ZNF536: variants seen among roughly 807,000 people sequenced by gnomAD.
ZNF536 encodes the protein zinc finger protein 536.
Under a neutral mutation model 84.5 loss-of-function variants are expected in ZNF536, and 13 were observed. That is an observed-to-expected ratio of 0.15 (90% CI 0.10 to 0.24). ZNF536 has a LOEUF of 0.24. Ranked by LOEUF, ZNF536 falls within the 10% of genes least tolerant of loss-of-function variation. The pLI, the probability that ZNF536 is intolerant of heterozygous loss-of-function variation, is 1.00. For synonymous variants in ZNF536, 811 were observed against 742.5 expected, an observed-to-expected ratio of 1.09 and a Z score of -1.50; for missense variants, 1,536 against 1,747.5, an observed-to-expected ratio of 0.88 and a Z score of 2.16.
At chr19:30,454,907 C>T (rs1248565546) in intron 2 of ZNF536, among the ~76,000 whole-genome samples, 2 of 152,292 alleles carry the variant, frequency 1.3e-5, no homozygotes, top group East Asian at 3.9e-4. Flanking sequence ...GTTGTGGGCG[C>T]CTGTAATCCC....
chr19:30,323,868 A>G (rs1326893784), intron 2 of ZNF536, among the ~76,000 whole-genome samples: 2 of 151,994 alleles, frequency 1.3e-5, no homozygotes, highest in Non-Finnish European at 1.5e-5. Context: ...CCTCTGCTCA[A>G]CCACTCCTGT....
intron 2 of ZNF536, among the ~76,000 whole-genome samples, chr19:30,493,606 C>T (rs368437736): frequency 4.6e-5 from 7 of 152,154 alleles, no homozygotes; most frequent in Admixed American, 1.3e-4. Flanking sequence ...CCCCATCACT[C>T]GGGGCATTTG....
rs2148159922 is a variant in ZNF536 at position 30,443,908 on chromosome 19, C to G, written c.346C>G (p.Gln116Glu). 1 of 1,613,674 alleles carries G rather than the reference C, an allele frequency of 6.2e-7. No homozygotes were observed. The highest frequency in any genetic ancestry group is 8.5e-7 in the Non-Finnish European group (1 of 1,180,020). ...LNGQNLGIMS[Q>E]MSDIEDDARK... ...CGGGCAGAACCTGGGCATCATGTCC[C>G]AGATGAGCGACATCGAGGACGACGC... The change falls in exon 2 of 5, where the codon CAG becomes GAG. Residue 116 changes from glutamine to glutamate, a missense_variant. This residue lies in a region of ZNF536 where 161 missense variants were observed against 178.5 expected (regional missense o/e 0.90). Transcript: ENST00000355537.
At chr19:30,686,175 A>G (rs1568670728) in intron 1 of ZNF536, among the ~76,000 whole-genome samples, 1 of 152,190 alleles carries the variant, frequency 6.6e-6, no homozygotes, top group East Asian at 1.9e-4. Context: ...AGTTCTGTGA[A>G]GATCATTTTG....
At chr19:30,456,176 T>C (rs998211693) in intron 2 of ZNF536, among the ~76,000 whole-genome samples, 3 of 152,230 alleles carry the variant, frequency 2.0e-5, no homozygotes, top group Admixed American at 6.5e-5. Flanking sequence ...TATACTTTTT[T>C]TTCCCCAAGC....
intron 1 of ZNF536, among the ~76,000 whole-genome samples, chr19:30,667,263 AG>A (rs2050360552): frequency 6.6e-6 from 1 of 152,188 alleles, no homozygotes; most frequent in Admixed American, 6.5e-5. Context: ...AGCTTACAGA[AG>A]GGGAAACTGA....
At chr19:30,572,667 G>A (rs901783625) in intron 1 of ZNF536, among the ~76,000 whole-genome samples, 28 of 152,226 alleles carry the variant, frequency 1.8e-4, no homozygotes, top group Admixed American at 6.5e-5. Flanking sequence ...TCTCTCGTGG[G>A]GCTTACCTTC....
intron 1 of ZNF536, among the ~76,000 whole-genome samples, chr19:30,396,589 T>C (rs1233673542): frequency 1.1e-5 from 1 of 91,688 alleles, no homozygotes. Flanking sequence ...GAGAGGGCTC[T>C]CTCTTTTTTT....
intron 2 of ZNF536, among the ~76,000 whole-genome samples, chr19:30,318,296 A>G (rs2046746455): frequency 6.6e-6 from 1 of 152,224 alleles, no homozygotes; most frequent in African/African-American, 2.4e-5. Context: ...ATGGGGTGAT[A>G]TCAAACCTCA....
chr19:30,455,035 AAAACAAACAAACAAACAAAC>A (rs56166320), intron 2 of ZNF536, among the ~76,000 whole-genome samples: 1 of 149,714 alleles, frequency 6.7e-6, no homozygotes, highest in South Asian at 2.1e-4. Flanking sequence ...CTCCATCTCA[AAAACAAACAAACAAACAAAC>A]AAACAAACAA....
intron 2 of ZNF536, among the ~76,000 whole-genome samples, chr19:30,458,313 T>C (rs986921188): frequency 1.1e-4 from 17 of 152,108 alleles, no homozygotes; most frequent in African/African-American, 4.1e-4. Flanking sequence ...CTTTCAATGT[T>C]TCCCCCACCT....
intron 2 of ZNF536, among the ~76,000 whole-genome samples, chr19:30,286,116 G>A (rs2045616787): frequency 6.6e-6 from 1 of 150,658 alleles, no homozygotes; most frequent in Admixed American, 6.6e-5. Flanking sequence ...CCGAGCGAGG[G>A]CCTGAATCTT....
chr19:30,315,616 C>T (rs538167234), intron 2 of ZNF536, among the ~76,000 whole-genome samples: 1 of 152,134 alleles, frequency 6.6e-6, no homozygotes, highest in African/African-American at 2.4e-5. Context: ...CACTGAATTA[C>T]GAAAGTTCTG....
rs34762536 is a variant in ZNF536 at position 30,270,750 on chromosome 19, G to GTT, written c.-189-13305_-189-13304dup. Among the ~76,000 whole-genome samples, 8 of 141,666 alleles carry GTT rather than the reference G, an allele frequency of 5.6e-5. No individual in the cohort carries two copies. In the South Asian group the frequency reaches 6.8e-4, roughly 12 times the overall value. The allele number at this position is 141,666 out of a possible 152,430, so 92.9% of individuals were successfully genotyped here. ...TACATGGTAGCTGGGAAAAATGCAGGTTTTTTTTTTTTTTTTTTAAAGAAC... is the reference window on the plus strand; with the variant it reads ...TACATGGTAGCTGGGAAAAATGCAGGTTTTTTTTTTTTTTTTTTTTAAAGAAC... On this transcript the variant is annotated intron_variant, in intron 1 of 5. Coordinates refer to the ZNF536 transcript ENST00000585628.
intron 1 of ZNF536, among the ~76,000 whole-genome samples, chr19:30,375,611 G>C (rs1169907001): frequency 6.6e-6 from 1 of 152,240 alleles, no homozygotes; most frequent in East Asian, 1.9e-4. Flanking sequence ...GCCTGTGTGG[G>C]GGTAGGGGCA....
At chr19:30,272,574 C>A (rs966214711) in intron 1 of ZNF536, among the ~76,000 whole-genome samples, 1 of 152,204 alleles carries the variant, frequency 6.6e-6, no homozygotes, top group African/African-American at 2.4e-5. Flanking sequence ...GAGCTCCACT[C>A]CCTCTTCCCC....
chr19:30,358,623 ATTTC>A (rs937122791), intron 3 of ZNF536, among the ~76,000 whole-genome samples: 14 of 152,158 alleles, frequency 9.2e-5, no homozygotes, highest in African/African-American at 3.4e-4. Context: ...ACAAATCCAC[ATTTC>A]TTTCTGAATT....
rs745368069 is a variant in ZNF536 at position 30,432,427 on chromosome 19, C to T, written c.-2-11134C>T. ...TGAGGAAGCAGGATCACTTCCAGCC[C>T]GGGTCAAATCCAGGAAGGTTTCCTG... is the stretch of plus-strand genomic sequence containing the variant. On this transcript the variant is annotated intron_variant, in intron 1 of 4. Coordinates refer to ENST00000355537, the MANE Select transcript of ZNF536 (RefSeq NM_014717.3). 1.1e-4 allele frequency among the ~76,000 whole-genome samples: 16 copies of T among 152,068 alleles called. No homozygotes were observed. In the East Asian group the frequency reaches 1.7e-3, roughly 17 times the overall value.
intron 1 of ZNF536, among the ~76,000 whole-genome samples, chr19:30,412,764 G>A (rs2050549079): frequency 6.6e-6 from 1 of 151,696 alleles, no homozygotes; most frequent in African/African-American, 2.4e-5. Context: ...AGAATGAAAT[G>A]AGAAACTTTC....
Sources: allele counts gnomAD v4.1 joint callset (sites outside exome capture counted in the v4.1 genomes callset), GRCh38; gene constraint gnomAD v4.1.1; regional missense constraint gnomAD v4.1.1; transcripts MANE v1.5; gene names NCBI Gene and HGNC (gene_info 2026-07-23, HGNC 2026-07-21).